The following PTPN9 variants were observed in gnomAD, a reference collection of about 807,000 sequenced individuals.
The protein encoded by PTPN9 is protein tyrosine phosphatase non-receptor type 9, also known as tyrosine-protein phosphatase non-receptor type 9.
In PTPN9, 26 loss-of-function variants were observed where a neutral mutation model predicts 69.8. That is an observed-to-expected ratio of 0.37 (90% CI 0.27 to 0.52). The LOEUF (loss-of-function observed/expected upper bound fraction) is 0.52. Ranked by LOEUF, PTPN9 falls within the 20% of genes least tolerant of loss-of-function variation. The probability of loss-of-function intolerance (pLI) is 0.91; values close to 1 mark genes in which losing one functional copy is unlikely to be tolerated. For synonymous variants in PTPN9, 274 were observed against 272.5 expected (o/e 1.01, Z -0.05); for missense variants, 549 against 740.3 (o/e 0.74, Z 3.00).
intron 7 of PTPN9, among the ~76,000 whole-genome samples, chr15:75,492,621 A>G (rs544184096): frequency 1.2e-4 from 18 of 152,364 alleles, no homozygotes; most frequent in African/African-American, 4.3e-4. Context: ...AAACAGCATC[A>G]GGTGAAAGAA....
chr15:75,475,504 A>G (rs11637263), intron 9 of PTPN9, among the ~76,000 whole-genome samples: 85,263 of 151,826 alleles, frequency 0.56, 24,707 homozygotes, highest in African/African-American at 0.71. Context: ...GTTTGAACCC[A>G]GGAGGCGGAG....
chr15:75,466,847 A>G lies in PTPN9; in HGVS notation c.*1922T>C, dbSNP rs1309600645. 1.3e-5 allele frequency: 2 copies of G among 152,244 alleles called. No individual in the cohort carries two copies. Among genetic ancestry groups the G allele is most frequent in the East Asian group, 1.9e-4 (1 of 5,204 alleles). The allele number at this position is 152,244 out of a possible 1,614,324, so 9.4% of individuals were successfully genotyped here. A position where few individuals can be genotyped will look rare whatever the true frequency, so the allele number is the denominator to read the frequency against. On this transcript the variant is annotated 3_prime_UTR_variant, in exon 13 of 13. Coordinates refer to ENST00000618819, the MANE Select transcript of PTPN9 (RefSeq NM_002833.4). ...GTGCACAGGAGAAGGGAGAGAAGAT[A>G]ATATCTCACTGAATTGTTGTGAGGT...
At chr15:75,550,083 G>A (rs1188814242) in intron 1 of PTPN9, among the ~76,000 whole-genome samples, 1 of 150,740 alleles carries the variant, frequency 6.6e-6, no homozygotes, top group African/African-American at 2.4e-5. Context: ...TGTAAATAGA[G>A]AGAAATGAAT....
At chr15:75,550,840 G>A (rs1232500524) in intron 1 of PTPN9, among the ~76,000 whole-genome samples, 1 of 151,776 alleles carries the variant, frequency 6.6e-6, no homozygotes, top group Admixed American at 6.6e-5. Context: ...TGTTGAGCAG[G>A]GTCTCACTGT....
intron 8 of PTPN9, among the ~76,000 whole-genome samples, chr15:75,486,026 G>A (rs1442306057): frequency 1.3e-5 from 2 of 151,308 alleles, no homozygotes; most frequent in East Asian, 4.0e-4. Flanking sequence ...CACGAACCCG[G>A]GAGGTGGAGG....
chr15:75,464,819 A>C lies in PTPN9; in HGVS notation c.*3950T>G, dbSNP rs1281449300. On this transcript the variant is annotated 3_prime_UTR_variant, in exon 13 of 13. Coordinates refer to ENST00000618819, the MANE Select transcript of PTPN9 (RefSeq NM_002833.4). ...GTCCATTCTCCCAAGAACAAGTCCTACTCTGTCATTTACCTGCATACTGTC... is the reference window on the plus strand; with the variant it reads ...GTCCATTCTCCCAAGAACAAGTCCTCCTCTGTCATTTACCTGCATACTGTC... The C allele has an allele frequency of 6.6e-6, 1 of 152,014 alleles. No homozygotes were observed. Among genetic ancestry groups the C allele is most frequent in the Admixed American group, 6.6e-5 (1 of 15,252 alleles). The allele number at this position is 152,014 out of a possible 1,614,324, so 9.4% of individuals were successfully genotyped here. A position where few individuals can be genotyped will look rare whatever the true frequency, so the allele number is the denominator to read the frequency against.
intron 1 of PTPN9, among the ~76,000 whole-genome samples, chr15:75,569,269 T>G (rs548090239): frequency 6.6e-6 from 1 of 152,302 alleles, no homozygotes; most frequent in East Asian, 1.9e-4. Flanking sequence ...CACACTGCCG[T>G]AAAATGGGGC....
At chr15:75,540,583 G>GA (rs1457895833) in intron 1 of PTPN9, among the ~76,000 whole-genome samples, 1 of 127,814 alleles carries the variant, frequency 7.8e-6, no homozygotes, top group Admixed American at 7.7e-5. Context: ...AAGAAAGAAA[G>GA]AAAAATGTGA....
chr15:75,564,900 G>A (rs1030378884), intron 1 of PTPN9, among the ~76,000 whole-genome samples: 5 of 151,840 alleles, frequency 3.3e-5, no homozygotes. Context: ...TCAGGAGTTC[G>A]AGACCAGCCT....
intron 1 of PTPN9, 28 bp downstream of exon 1, chr15:75,578,686 C>A (rs1042366337): frequency 5.1e-6 from 7 of 1,365,194 alleles, no homozygotes; most frequent in Middle Eastern, 2.7e-4. Flanking sequence ...CCGGACACAC[C>A]CAACGCGGCG....
chr15:75,487,816 C>T (rs2074687285), intron 8 of PTPN9: 1 of 152,170 alleles, frequency 6.6e-6, no homozygotes, highest in South Asian at 2.1e-4. Flanking sequence ...AAACCATGAT[C>T]CTGGGGTCCC....
chr15:75,553,203 G>A (rs1442030425), intron 1 of PTPN9, among the ~76,000 whole-genome samples: 1 of 152,112 alleles, frequency 6.6e-6, no homozygotes, highest in African/African-American at 2.4e-5. Flanking sequence ...AAGGATATGT[G>A]CAAGTAAATC....
rs978216333 is a variant in PTPN9, at chr15:75,480,736, G to T, written c.1063-822C>A. ...CCGGGAGGATGGAGTTCAGCGGGCAGCGGAGCTGTCTCAGTCTTTGCCGCC... is the reference window on the plus strand; with the variant it reads ...CCGGGAGGATGGAGTTCAGCGGGCATCGGAGCTGTCTCAGTCTTTGCCGCC... On this transcript the variant is annotated intron_variant, in intron 8 of 12. Transcript: ENST00000618819. 43 of 1,301,824 alleles carry T rather than the reference G, an allele frequency of 3.3e-5. No homozygotes were observed. In the African/African-American group the frequency reaches 5.3e-4, roughly 16 times the overall value. 80.6% of individuals were successfully genotyped at this position (1,301,824 alleles called of 1,614,324 possible).
chr15:75,523,109 CT>C lies in PTPN9; in HGVS notation c.422+11del. ...GCATGTAGAATACCTAAAAAATAAT[CT>C]CAATGCTTACCTATCCACAGCTCTG... On this transcript the variant is annotated intron_variant, in intron 4 of 12. Coordinates refer to ENST00000618819, the MANE Select transcript of PTPN9 (RefSeq NM_002833.4). 1 of 1,605,736 alleles carries C rather than the reference CT, an allele frequency of 6.2e-7. No homozygotes were observed.
chr15:75,543,411 C>T (rs1362367219), intron 1 of PTPN9, among the ~76,000 whole-genome samples: 1 of 152,154 alleles, frequency 6.6e-6, no homozygotes, highest in Non-Finnish European at 1.5e-5. Flanking sequence ...GCAAACTGTC[C>T]AAGGTTACTC....
At chr15:75,480,356 G>C (rs1350311878) in intron 8 of PTPN9, among the ~76,000 whole-genome samples, 1 of 152,144 alleles carries the variant, frequency 6.6e-6, no homozygotes, top group Non-Finnish European at 1.5e-5. Context: ...TGTAATCCCA[G>C]CACTTTGGGA....
chr15:75,502,616 G>A (rs2074779877), intron 7 of PTPN9, among the ~76,000 whole-genome samples: 1 of 152,092 alleles, frequency 6.6e-6, no homozygotes, highest in South Asian at 2.1e-4. Context: ...TTTTGTGATA[G>A]GATTTGAGTA....
chr15:75,557,887 C>T (rs545751097), intron 1 of PTPN9, among the ~76,000 whole-genome samples: 52 of 152,290 alleles, frequency 3.4e-4, no homozygotes, highest in African/African-American at 1.1e-3. Flanking sequence ...ATTTACCTAG[C>T]TTCAGGTTGA....
intron 1 of PTPN9, among the ~76,000 whole-genome samples, chr15:75,553,246 A>C (rs1464010501): frequency 6.6e-6 from 1 of 152,180 alleles, no homozygotes; most frequent in Non-Finnish European, 1.5e-5. Context: ...ACTTAACAGG[A>C]GTACATAAGA....
Sources: gnomAD v4.1 joint callset for allele counts (sites outside exome capture counted in the v4.1 genomes callset) on GRCh38, gnomAD v4.1.1 for gene constraint, MANE v1.5 for transcripts, NCBI Gene and HGNC (gene_info 2026-07-23, HGNC 2026-07-21) for gene names.